The following DGLUCY variants were observed in gnomAD, a reference collection of about 807,000 sequenced individuals.
DGLUCY encodes D-glutamate cyclase, mitochondrial.
In DGLUCY, 58 loss-of-function variants were observed where a neutral mutation model predicts 58.5. The ratio of observed to expected loss-of-function variants is 0.99; its 90% CI spans 0.80 to 1.23. The LOEUF (loss-of-function observed/expected upper bound fraction) is 1.23. DGLUCY is among the 50% of genes most tolerant of loss of function. DGLUCY has a pLI of 0.00. For synonymous variants in DGLUCY, 325 were observed against 314.1 expected (o/e 1.03, Z -0.37); for missense variants, 779 against 784.7 (o/e 0.99, Z 0.09).
chr14:91,162,593 T>C (rs748227408), intron 3 of DGLUCY, among the ~76,000 whole-genome samples: 1 of 152,084 alleles, frequency 6.6e-6, no homozygotes, highest in Non-Finnish European at 1.5e-5. Flanking sequence ...GCAAAGTTCA[T>C]TTAATTAAAA....
At chr14:91,169,972 G>A in intron 4 of DGLUCY, 31 bp from the exon 5 acceptor site, 2 of 1,601,146 alleles carry the variant, frequency 1.2e-6, no homozygotes, top group Non-Finnish European at 1.7e-6. Context: ...GAGAGTCTGG[G>A]GCCCTCCCAG....
intron 6 of DGLUCY, 56 bp downstream of exon 6, chr14:91,173,495 C>A: frequency 6.6e-7 from 1 of 1,510,078 alleles, no homozygotes; most frequent in Non-Finnish European, 8.8e-7. Flanking sequence ...CAACCCAGGT[C>A]AGTGTCTCTC....
chr14:91,119,367 AC>A (rs1374314710), intron 1 of DGLUCY, among the ~76,000 whole-genome samples: 1 of 152,058 alleles, frequency 6.6e-6, no homozygotes, highest in Non-Finnish European at 1.5e-5. Flanking sequence ...ATATTCCCTG[AC>A]CCACTCTGTT....
intron 1 of DGLUCY, among the ~76,000 whole-genome samples, chr14:91,118,091 T>G (rs2045104881): frequency 1.1e-5 from 1 of 87,838 alleles, no homozygotes; most frequent in Non-Finnish European, 2.1e-5. Context: ...CCCCCCCCTT[T>G]TTTTTTTTAG....
chr14:91,077,798 AAAG>A (rs2044052646), intron 1 of DGLUCY, among the ~76,000 whole-genome samples: 1 of 150,886 alleles, frequency 6.6e-6, no homozygotes, highest in East Asian at 2.0e-4. Context: ...AGGAGGAAGG[AAAG>A]AAGAAAGGAG....
intron 12 of DGLUCY, among the ~76,000 whole-genome samples, chr14:91,210,424 C>T (rs1406049473): frequency 6.6e-6 from 1 of 151,470 alleles, no homozygotes; most frequent in African/African-American, 2.4e-5. Context: ...CCTAGCCTCT[C>T]AGGAGGCTGA....
At chr14:91,152,523 C>T (rs1428022089) in intron 1 of DGLUCY, among the ~76,000 whole-genome samples, 2 of 152,192 alleles carry the variant, frequency 1.3e-5, no homozygotes, top group African/African-American at 4.8e-5. Flanking sequence ...CCAATCTTGT[C>T]TCTGCTATTA....
At chr14:91,173,186 C>G in intron 5 of DGLUCY, 103 bp from the exon 6 acceptor site, 62 of 1,220,806 alleles carry the variant, frequency 5.1e-5, no homozygotes, top group Non-Finnish European at 7.0e-5. Flanking sequence ...AACAGCTACT[C>G]CTCCTTCATT....
At chr14:91,060,606 G>C (rs1424237707) in exon 1 of DGLUCY, 2 of 902,438 alleles carry the variant, frequency 2.2e-6, no homozygotes, top group Non-Finnish European at 2.9e-6. Context: ...CTCGCTCCTC[G>C]CCTCCTCCCC....
At chr14:91,182,075 G>C (rs1186460796) in intron 8 of DGLUCY, among the ~76,000 whole-genome samples, 2 of 151,782 alleles carry the variant, frequency 1.3e-5, no homozygotes, top group African/African-American at 4.8e-5. Context: ...CCATCTCCCG[G>C]GTTCAAGTGA....
In DGLUCY at chr14:91,095,711, G is replaced by A. The variant is rs146518830; in HGVS notation, c.-82+35007G>A. On this transcript the variant is annotated intron_variant, in intron 1 of 4. Coordinates refer to the DGLUCY transcript ENST00000521334. Reference sequence around the variant, plus strand: ...GAAAGATGGAGTGGAAGAAGACTCTGCAAATGGGGGGAGAAAAATGGCAGC... The same window carrying A: ...GAAAGATGGAGTGGAAGAAGACTCTACAAATGGGGGGAGAAAAATGGCAGC... Among the ~76,000 whole-genome samples, 232 of 152,272 alleles carry A rather than the reference G, an allele frequency of 1.5e-3. 1 individual carries two copies. The highest frequency in any genetic ancestry group is 4.8e-3 in the African/African-American group (199 of 41,554).
At chr14:91,134,752 C>G (rs1303338607) in intron 1 of DGLUCY, among the ~76,000 whole-genome samples, 1 of 151,680 alleles carries the variant, frequency 6.6e-6, no homozygotes, top group Non-Finnish European at 1.5e-5. Context: ...AATTACATTT[C>G]TAACTGTTAC....
intron 1 of DGLUCY, among the ~76,000 whole-genome samples, chr14:91,064,831 G>T: frequency 6.6e-6 from 1 of 152,164 alleles, no homozygotes; most frequent in Non-Finnish European, 1.5e-5. Context: ...TACCACTGAT[G>T]ACAATATCCA....
At chr14:91,189,326 G>A (rs1221456290) in intron 9 of DGLUCY, among the ~76,000 whole-genome samples, 156 bp downstream of exon 9, 3 of 152,242 alleles carry the variant, frequency 2.0e-5, no homozygotes, top group Non-Finnish European at 4.4e-5. Flanking sequence ...AAGAGACTGA[G>A]GCTCTGAGAG....
exon 1 of DGLUCY, chr14:91,060,401 C>T: frequency 6.6e-7 from 1 of 1,507,814 alleles, no homozygotes; most frequent in Non-Finnish European, 8.9e-7. Flanking sequence ...CTGGTCCCCG[C>T]GGCGCCGCCG....
chr14:91,224,891 G>A lies in DGLUCY; in HGVS notation c.*58G>A. 1 of 1,496,964 alleles carries A rather than the reference G, an allele frequency of 6.7e-7. No homozygotes were observed. Among genetic ancestry groups the A allele is most frequent in the Admixed American group, 2.0e-5 (1 of 49,096 alleles). The allele number at this position is 1,496,964 out of a possible 1,614,324, so 92.7% of individuals were successfully genotyped here. The stretch of plus-strand genomic sequence containing the variant: ...CAACGGGCAGGTCTGCATCCGGGGA[G>A]AATGCAGCTGCTTCTGGCGACAATC... On this transcript the variant is annotated 3_prime_UTR_variant, in exon 14 of 14. Coordinates refer to ENST00000256324, the MANE Select transcript of DGLUCY (RefSeq NM_001102368.3).
intron 1 of DGLUCY, among the ~76,000 whole-genome samples, chr14:91,064,273 G>T (rs2043781667): frequency 6.6e-6 from 1 of 152,082 alleles, no homozygotes; most frequent in Non-Finnish European, 1.5e-5. Flanking sequence ...TCTAGCATAG[G>T]GATGTAAGCT....
At chr14:91,068,678 T>A (rs1232153797) in intron 1 of DGLUCY, among the ~76,000 whole-genome samples, 1 of 151,894 alleles carries the variant, frequency 6.6e-6, no homozygotes, top group East Asian at 1.9e-4. Flanking sequence ...TCAAAAAAAA[T>A]AAAATAAAAC....
chr14:91,204,601 T>G (rs1884208899), intron 11 of DGLUCY, 105 bp from the exon 12 acceptor site: 1 of 1,456,850 alleles, frequency 6.9e-7, no homozygotes, highest in Non-Finnish European at 9.3e-7. Flanking sequence ...AGAGCCAACC[T>G]TTTTGCCCTC....
Sources: gnomAD v4.1 joint callset for allele counts (sites outside exome capture counted in the v4.1 genomes callset) on GRCh38, gnomAD v4.1.1 for gene constraint, MANE v1.5 for transcripts, NCBI Gene and HGNC (gene_info 2026-07-23, HGNC 2026-07-21) for gene names.